Variants in COL19A1 observed in about 807,000 individuals in gnomAD.
The protein encoded by COL19A1 is collagen type XIX alpha 1 chain.
Under a neutral mutation model 190.2 loss-of-function variants are expected in COL19A1, and 159 were observed. The ratio of observed to expected loss-of-function variants is 0.84; its 90% confidence interval spans 0.73 to 0.95. The LOEUF (loss-of-function observed/expected upper bound fraction) is 0.95. Ranked by LOEUF, COL19A1 falls within the 40% of genes least tolerant of loss-of-function variation. The pLI is 0.00. For missense variants in COL19A1, 1,418 were observed against 1,431.9 expected, an observed-to-expected ratio of 0.99 and a Z score of 0.16; for synonymous variants, 509 against 458.9, an observed-to-expected ratio of 1.11 and a Z score of -1.39.
intron 11 of COL19A1, among the ~76,000 whole-genome samples, chr6:69,989,738 A>G (rs965500897): frequency 3.3e-5 from 5 of 151,992 alleles, no homozygotes; most frequent in East Asian, 3.9e-4. Flanking sequence ...TTAAGAGCCA[A>G]TTTCTAGAAC....
intron 11 of COL19A1, among the ~76,000 whole-genome samples, chr6:69,994,018 T>C (rs1776767793): frequency 1.3e-5 from 2 of 152,114 alleles, no homozygotes; most frequent in Admixed American, 1.3e-4. Flanking sequence ...CTGCTCTTGT[T>C]TTTCAAGTTC....
chr6:69,987,066 A>C (rs550762823), intron 11 of COL19A1, among the ~76,000 whole-genome samples: 1 of 152,188 alleles, frequency 6.6e-6, no homozygotes, highest in Admixed American at 6.5e-5. Flanking sequence ...GACTACAGGC[A>C]TGACTTTTGA....
chr6:70,124,890 A>G (rs983189225), intron 17 of COL19A1, among the ~76,000 whole-genome samples: 8 of 152,164 alleles, frequency 5.3e-5, no homozygotes, highest in African/African-American at 1.9e-4. Flanking sequence ...GAGTAGTTAG[A>G]GCCCTTACAC....
rs935836149 is a variant in COL19A1 at position 70,190,217 on chromosome 6, C to T, written c.3028-98C>T. On this transcript the variant is annotated intron_variant, in intron 47 of 50. Transcript: ENST00000620364. ...AGCATTTTTCTTGATAAATGCATCCCTACAGAAGTTTCAAATAGGCAAGCC... is the reference window on the plus strand; with the variant it reads ...AGCATTTTTCTTGATAAATGCATCCTTACAGAAGTTTCAAATAGGCAAGCC... 39 of 871,148 alleles carry T rather than the reference C, an allele frequency of 4.5e-5. No individual in the cohort carries two copies. The South Asian group carries it at 5.7e-4, about 13-fold the overall frequency. 54.0% of individuals were successfully genotyped at this position (871,148 alleles called of 1,614,324 possible).
At chr6:69,963,801 G>A (rs547779473) in intron 11 of COL19A1, among the ~76,000 whole-genome samples, 1 of 152,124 alleles carries the variant, frequency 6.6e-6, no homozygotes, top group Non-Finnish European at 1.5e-5. Context: ...TTAATAGAGT[G>A]TTTTATTATA....
chr6:70,161,110 G>A (rs182572542), intron 34 of COL19A1, among the ~76,000 whole-genome samples: 85 of 152,180 alleles, frequency 5.6e-4, no homozygotes, highest in Admixed American at 2.8e-3. Context: ...AATCTAAGGA[G>A]GGGAGGGAGG....
chr6:70,006,472 C>T (rs1055923086), intron 11 of COL19A1, among the ~76,000 whole-genome samples: 1 of 152,158 alleles, frequency 6.6e-6, no homozygotes, highest in African/African-American at 2.4e-5. Context: ...ATGCCAGTCA[C>T]CTAGTCAGTT....
chr6:69,874,737 C>A (rs774447024), intron 1 of COL19A1, among the ~76,000 whole-genome samples: 1 of 150,708 alleles, frequency 6.6e-6, no homozygotes, highest in Non-Finnish European at 1.5e-5. Flanking sequence ...GGCAACAGAG[C>A]GAGACTCTGT....
chr6:70,153,795 T>C (rs1279835058), intron 31 of COL19A1, among the ~76,000 whole-genome samples: 1 of 152,008 alleles, frequency 6.6e-6, no homozygotes, highest in Non-Finnish European at 1.5e-5. Context: ...CAGGTGTCAG[T>C]AATAGTTCTA....
chr6:70,168,092 T>C lies in COL19A1; in HGVS notation c.2496+17T>C. 6.3e-7 allele frequency: 1 copy of C among 1,582,300 alleles called. No individual in the cohort carries two copies. The highest frequency in any genetic ancestry group is 8.6e-7 in the Non-Finnish European group (1 of 1,158,460). Reference sequence around the variant, plus strand: ...AAAATTAAGGTATTTATATTTGTAATTATTTAAAATCCAGTTATAGACTGC... The same window carrying C: ...AAAATTAAGGTATTTATATTTGTAACTATTTAAAATCCAGTTATAGACTGC... On this transcript the variant is annotated intron_variant, in intron 38 of 50. Coordinates refer to ENST00000620364, the MANE Select transcript of COL19A1 (RefSeq NM_001858.6).
At position 70,048,619 on chromosome 6, in the gene COL19A1, A is replaced by G. The variant is rs577571595; in HGVS notation, c.1170+12680A>G. Among the ~76,000 whole-genome samples, 4 of 152,280 alleles carry G rather than the reference A, an allele frequency of 2.6e-5. No homozygotes were observed. The East Asian group carries it at 5.8e-4, about 22-fold the overall frequency. Reference sequence around the variant, plus strand: ...GTACAACTGTAGTTGTTCATATTATACACAGACATCTAGTTATTTCAGAGA... The same window carrying G: ...GTACAACTGTAGTTGTTCATATTATGCACAGACATCTAGTTATTTCAGAGA... On this transcript the variant is annotated intron_variant, in intron 14 of 50. Transcript: ENST00000620364.
In COL19A1 at chr6:69,962,870, G is replaced by A. The variant is rs777084943; in HGVS notation, c.1026G>A (p.Lys342=). 36 of 1,603,684 alleles carry A rather than the reference G, an allele frequency of 2.2e-5. No individual in the cohort carries two copies. Among genetic ancestry groups the A allele is most frequent in the Non-Finnish European group, 2.9e-5 (34 of 1,173,594 alleles). ...FEGSKGETGE[K]GEQGEKGDPA... ...GCAGCAAAGGAGAAACTGGTGAAAA[G>A]GTAAATATCTCTTTTTACATTCACA... is the stretch of plus-strand genomic sequence containing the variant. The change falls in exon 11 of 51, where the codon AAG becomes AAA. Residue 342 remains lysine (K), a splice_region_variant and synonymous_variant. Coordinates refer to ENST00000620364, the MANE Select transcript of COL19A1 (RefSeq NM_001858.6).
intron 46 of COL19A1, among the ~76,000 whole-genome samples, chr6:70,186,229 C>T (rs1766505065): frequency 1.3e-5 from 2 of 152,156 alleles, no homozygotes; most frequent in African/African-American, 4.8e-5. Flanking sequence ...ATAAACATCA[C>T]TACAATGAAC....
intron 1 of COL19A1, among the ~76,000 whole-genome samples, chr6:69,867,796 A>C (rs952061112): frequency 2.0e-5 from 3 of 152,214 alleles, no homozygotes; most frequent in African/African-American, 7.2e-5. Context: ...TGTCAGCCTC[A>C]GGGGACAGTG....
Position 70,072,076 on chromosome 6 carries a change from A to G in COL19A1, c.1224+3600A>G, listed in dbSNP as rs185343215. Among the ~76,000 whole-genome samples the G allele has an allele frequency of 1.3e-5, 2 of 152,242 alleles. 1 individual carries two copies. Among genetic ancestry groups the G allele is most frequent in the Admixed American group, 1.3e-4 (2 of 15,274 alleles). On this transcript the variant is annotated intron_variant, in intron 15 of 50. Coordinates refer to ENST00000620364, the MANE Select transcript of COL19A1 (RefSeq NM_001858.6). ...GTGGAGGGAAAAGGACAGGAACTGG[A>G]TGGAAACCCAGAGAAGTATCTTTGT...
chr6:69,884,046 C>G (rs1768741896), intron 2 of COL19A1, among the ~76,000 whole-genome samples: 1 of 151,888 alleles, frequency 6.6e-6, no homozygotes, highest in African/African-American at 2.4e-5. Context: ...TAGAAAGTAT[C>G]AGACCTGGCC....
At chr6:70,119,681 C>T (rs1199246145) in intron 16 of COL19A1, among the ~76,000 whole-genome samples, 2 of 152,154 alleles carry the variant, frequency 1.3e-5, no homozygotes, top group East Asian at 3.8e-4. Context: ...CATTTCCAAC[C>T]CTCATTTTCT....
chr6:70,045,312 C>CAAAAAA (rs34047162), intron 14 of COL19A1, among the ~76,000 whole-genome samples: 1 of 68,948 alleles, frequency 1.5e-5, no homozygotes, highest in Non-Finnish European at 3.1e-5. Context: ...GACTCTGTCT[C>CAAAAAA]AAAAAAAAAA....
chr6:70,165,349 T>G (rs1765083055), intron 36 of COL19A1, among the ~76,000 whole-genome samples: 1 of 152,252 alleles, frequency 6.6e-6, no homozygotes, highest in Non-Finnish European at 1.5e-5. Flanking sequence ...TAGTGACTAT[T>G]TGCTTTAAAC....
Sources: allele counts gnomAD v4.1 joint callset (sites outside exome capture counted in the v4.1 genomes callset), GRCh38; gene constraint gnomAD v4.1.1; transcripts MANE v1.5; gene names NCBI Gene and HGNC (gene_info 2026-07-23, HGNC 2026-07-21).